The following ITFG1 variants were observed in gnomAD, a reference collection of about 807,000 sequenced individuals.
ITFG1 encodes the protein T-cell immunomodulatory protein.
Under a neutral mutation model 81.8 loss-of-function variants are expected in ITFG1, and 34 were observed. That is an observed-to-expected ratio of 0.42 (90% CI 0.32 to 0.55). The LOEUF is 0.55. Among genes scored for constraint, ITFG1 ranks in the 20% least tolerant of loss-of-function variants. ITFG1 has a pLI of 0.17. For synonymous variants in ITFG1, 285 were observed against 270.6 expected (o/e 1.05, Z -0.52); for missense variants, 672 against 755.4 (o/e 0.89, Z 1.29).
intron 6 of ITFG1, among the ~76,000 whole-genome samples, chr16:47,395,281 A>T (rs115345526): frequency 0.02 from 3,085 of 152,280 alleles, 105 homozygotes; most frequent in African/African-American, 0.07. Flanking sequence ...AATTATGATG[A>T]CATTTTGCTC....
chr16:47,228,586 G>T (rs1161373345), intron 13 of ITFG1, among the ~76,000 whole-genome samples: 1 of 152,184 alleles, frequency 6.6e-6, no homozygotes, highest in Non-Finnish European at 1.5e-5. Flanking sequence ...AGTCAGACAA[G>T]TCTCGAACTC....
chr16:47,220,464 A>G (rs1965678046), intron 13 of ITFG1, among the ~76,000 whole-genome samples: 2 of 152,362 alleles, frequency 1.3e-5, no homozygotes, highest in South Asian at 2.1e-4. Flanking sequence ...AGCCACTTTC[A>G]GAAAAACAAA....
chr16:47,459,221 G>A (rs1439763505), intron 1 of ITFG1, 46 bp from the exon 2 acceptor site: 2 of 1,246,730 alleles, frequency 1.6e-6, no homozygotes, highest in South Asian at 2.4e-5. Flanking sequence ...TTGTTGATAA[G>A]ATATCTAATC....
intron 13 of ITFG1, among the ~76,000 whole-genome samples, chr16:47,229,739 G>T (rs1426594159): frequency 6.6e-6 from 1 of 152,128 alleles, no homozygotes. Context: ...AGAGGACTGG[G>T]TTTTGGGGGG....
intron 8 of ITFG1, among the ~76,000 whole-genome samples, chr16:47,336,261 C>G (rs1567465047): frequency 2.0e-5 from 3 of 152,188 alleles, no homozygotes; most frequent in Admixed American, 1.3e-4. Flanking sequence ...TGTCAGAACT[C>G]TGGAAAACGG....
intron 12 of ITFG1, among the ~76,000 whole-genome samples, chr16:47,254,380 ATATTAT>A (rs371724043): frequency 4.6e-5 from 7 of 150,890 alleles, no homozygotes; most frequent in Admixed American, 6.6e-5. Flanking sequence ...TCTCTTTAGC[ATATTAT>A]TATTATTATT....
At chr16:47,451,876 T>A (rs1404569187) in intron 4 of ITFG1, among the ~76,000 whole-genome samples, 2 of 152,340 alleles carry the variant, frequency 1.3e-5, no homozygotes, top group East Asian at 1.9e-4. Flanking sequence ...ATCTTTGCAT[T>A]ATCTAGACTA....
intron 5 of ITFG1, among the ~76,000 whole-genome samples, chr16:47,446,684 A>C (rs1969328682): frequency 1.3e-5 from 2 of 152,142 alleles, no homozygotes; most frequent in South Asian, 4.1e-4. Flanking sequence ...AGTATTTGTA[A>C]GGCATTTTCA....
At chr16:47,250,389 C>T (rs1387219676) in intron 12 of ITFG1, among the ~76,000 whole-genome samples, 1 of 150,870 alleles carries the variant, frequency 6.6e-6, no homozygotes, top group East Asian at 1.9e-4. Flanking sequence ...ATATTTCATA[C>T]ACATATAAAT....
chr16:47,361,765 G>A (rs998670023), intron 8 of ITFG1, among the ~76,000 whole-genome samples: 2 of 152,122 alleles, frequency 1.3e-5, no homozygotes, highest in Non-Finnish European at 2.9e-5. Context: ...AAAATCTAAA[G>A]GTCTTTTCTT....
chr16:47,432,145 C>T (rs777652799), intron 5 of ITFG1, among the ~76,000 whole-genome samples: 16 of 152,156 alleles, frequency 1.1e-4, no homozygotes, highest in African/African-American at 3.1e-4. Context: ...CAGTGAATGC[C>T]GGCTAGACTG....
At chr16:47,275,582 C>A (rs947173074) in intron 10 of ITFG1, among the ~76,000 whole-genome samples, 2 of 152,036 alleles carry the variant, frequency 1.3e-5, no homozygotes, top group East Asian at 1.9e-4. Context: ...CTGTTTTTCA[C>A]CAACTGTAGA....
intron 14 of ITFG1, among the ~76,000 whole-genome samples, chr16:47,173,589 A>G (rs1207414689): frequency 6.6e-6 from 1 of 152,206 alleles, no homozygotes; most frequent in African/African-American, 2.4e-5. Context: ...AGTATCTGTG[A>G]TAAGTTTTTA....
intron 6 of ITFG1, among the ~76,000 whole-genome samples, chr16:47,397,589 GTATTCAGA>G (rs1968608877): frequency 6.6e-6 from 1 of 152,186 alleles, no homozygotes; most frequent in Admixed American, 6.5e-5. Flanking sequence ...GTTGCTACAG[GTATTCAGA>G]TAGTAGAAGC....
chr16:47,411,641 CAT>C (rs1054766642), intron 6 of ITFG1, among the ~76,000 whole-genome samples: 17 of 152,106 alleles, frequency 1.1e-4, no homozygotes, highest in African/African-American at 3.6e-4. Flanking sequence ...ATGCTGGTCT[CAT>C]AGTGACCCAC....
At chr16:47,225,860 A>G (rs1380000608) in intron 13 of ITFG1, among the ~76,000 whole-genome samples, 1 of 152,214 alleles carries the variant, frequency 6.6e-6, no homozygotes, top group Non-Finnish European at 1.5e-5. Flanking sequence ...AATAAAGAGT[A>G]CTGTTAAAGG....
At chr16:47,345,471 G>C (rs1227018709) in intron 8 of ITFG1, among the ~76,000 whole-genome samples, 4 of 151,984 alleles carry the variant, frequency 2.6e-5, no homozygotes, top group Non-Finnish European at 5.9e-5. Flanking sequence ...TGGCTATTTT[G>C]TATTTTTTGT....
chr16:47,424,687 G>A (rs1968996522), intron 6 of ITFG1, among the ~76,000 whole-genome samples: 1 of 152,034 alleles, frequency 6.6e-6, no homozygotes, highest in South Asian at 2.1e-4. Context: ...TAACAGTCAG[G>A]CCCCTCAGCT....
chr16:47,329,562 C>A (rs1967609649), intron 8 of ITFG1, among the ~76,000 whole-genome samples: 1 of 152,044 alleles, frequency 6.6e-6, no homozygotes, highest in Non-Finnish European at 1.5e-5. Context: ...CATACTATCC[C>A]AATGTTTTCT....
Sources: allele counts gnomAD v4.1 joint callset (sites outside exome capture counted in the v4.1 genomes callset), GRCh38; gene constraint gnomAD v4.1.1; transcripts MANE v1.5; gene names NCBI Gene and HGNC (gene_info 2026-07-23, HGNC 2026-07-21).